The following FAAH2 variants were observed in gnomAD, a reference collection of about 807,000 sequenced individuals.
The protein encoded by FAAH2 is fatty-acid amide hydrolase 2.
In FAAH2, 60 loss-of-function variants were observed where a neutral mutation model predicts 36.9. That is an observed-to-expected ratio of 1.63 (90% CI 1.32 to 2.02). FAAH2 has a LOEUF of 2.02. Among genes scored for constraint, FAAH2 ranks in the 30% most tolerant of loss-of-function variants. The pLI is 0.00. For synonymous variants in FAAH2, 214 were observed against 143.8 expected, an observed-to-expected ratio of 1.49 and a Z score of -3.49; for missense variants, 689 against 397.5, an observed-to-expected ratio of 1.73 and a Z score of -6.23.
chrX:57,178,532 G>A, the FAAH2 span, among the ~76,000 whole-genome samples: 650 of 111,205 alleles, frequency 5.8e-3, 3 homozygotes, highest in Non-Finnish European at 9.2e-3. Flanking sequence ...CCTGTGCTTT[G>A]TGTTATACTA....
the FAAH2 span, among the ~76,000 whole-genome samples, chrX:57,216,582 G>GTATATA: frequency 1.7e-4 from 2 of 11,806 alleles, no homozygotes; most frequent in Admixed American, 7.7e-4. Flanking sequence ...GTATATATAT[G>GTATATA]TATATGTATA....
intron 10 of FAAH2, among the ~76,000 whole-genome samples, chrX:57,480,554 G>A (rs781742443): frequency 4.7e-4 from 52 of 111,815 alleles, no homozygotes; most frequent in Non-Finnish European, 8.3e-4. Context: ...TAAGAAAGTT[G>A]AATGTTTGCC....
At chrX:57,439,829 C>G (rs571725291) in intron 8 of FAAH2, among the ~76,000 whole-genome samples, 20 of 111,576 alleles carry the variant, frequency 1.8e-4, no homozygotes, top group Admixed American at 8.6e-4. Flanking sequence ...TGGCTAGCCA[C>G]TTTTCCCAGC....
chrX:57,160,138 G>A, the FAAH2 span, among the ~76,000 whole-genome samples: 6 of 111,622 alleles, frequency 5.4e-5, no homozygotes, highest in East Asian at 5.6e-4. Context: ...GCTGGATTAC[G>A]TTTATTGATT....
chrX:57,295,958 C>T (rs1379060461), intron 2 of FAAH2, among the ~76,000 whole-genome samples: 1 of 112,479 alleles, frequency 8.9e-6, no homozygotes, highest in Non-Finnish European at 1.9e-5. Flanking sequence ...GGCCAGGAAG[C>T]TCAAACTGGG....
At chrX:57,322,294 T>A (rs1179621790) in intron 3 of FAAH2, among the ~76,000 whole-genome samples, 1 of 112,017 alleles carries the variant, frequency 8.9e-6, no homozygotes, top group African/African-American at 3.2e-5. Flanking sequence ...CCGGCCTGCA[T>A]TTTTTGTTTT....
At chrX:57,318,869 T>A (rs112249708) in intron 3 of FAAH2, among the ~76,000 whole-genome samples, 65 of 111,822 alleles carry the variant, frequency 5.8e-4, no homozygotes, top group African/African-American at 1.9e-3. Flanking sequence ...ATTCATCATA[T>A]GCAAATCAAT....
At chrX:57,417,504 G>T (rs2055875694) in intron 7 of FAAH2, among the ~76,000 whole-genome samples, 1 of 112,162 alleles carries the variant, frequency 8.9e-6, no homozygotes, top group Non-Finnish European at 1.9e-5. Flanking sequence ...CAGGTCTGCT[G>T]GCATTTGCTG....
intron 7 of FAAH2, among the ~76,000 whole-genome samples, chrX:57,411,955 C>G (rs1316388118): frequency 1.8e-5 from 2 of 111,838 alleles, no homozygotes; most frequent in Non-Finnish European, 3.8e-5. Flanking sequence ...GAGTATTACT[C>G]TTTTAAAATT....
At chrX:57,487,449 C>T (rs996801021) in intron 10 of FAAH2, among the ~76,000 whole-genome samples, 4 of 111,786 alleles carry the variant, frequency 3.6e-5, no homozygotes, top group African/African-American at 9.8e-5. Context: ...GATAACCCAA[C>T]TTAAAATGCA....
chrX:57,482,570 C>T (rs886840063), intron 10 of FAAH2, among the ~76,000 whole-genome samples: 1 of 110,124 alleles, frequency 9.1e-6, no homozygotes, highest in Non-Finnish European at 1.9e-5. Context: ...TGGGTTGGAC[C>T]CACTGCCTAA....
At chrX:57,176,880 T>C in the FAAH2 span, among the ~76,000 whole-genome samples, 115 of 111,349 alleles carry the variant, frequency 1.0e-3, no homozygotes, top group African/African-American at 3.7e-3. Context: ...CAGAGAATGT[T>C]TGTGTGATGG....
At chrX:57,179,146 C>T in the FAAH2 span, among the ~76,000 whole-genome samples, 1 of 111,600 alleles carries the variant, frequency 9.0e-6, no homozygotes, top group Non-Finnish European at 1.9e-5. Context: ...AAAGGAAAGA[C>T]CATTACCTAC....
intron 7 of FAAH2, among the ~76,000 whole-genome samples, chrX:57,409,158 T>C (rs1257065665): frequency 9.0e-6 from 1 of 111,667 alleles, no homozygotes; most frequent in African/African-American, 3.2e-5. Context: ...ATTATAATAT[T>C]ATGCGACCAC....
chrX:57,207,120 T>A, the FAAH2 span, among the ~76,000 whole-genome samples: 1 of 110,886 alleles, frequency 9.0e-6, no homozygotes, highest in Non-Finnish European at 1.9e-5. Flanking sequence ...CAAATTTTTT[T>A]CTAGTCCCAT....
intron 5 of FAAH2, among the ~76,000 whole-genome samples, chrX:57,365,542 G>T (rs899608400): frequency 8.9e-6 from 1 of 111,748 alleles, no homozygotes; most frequent in African/African-American, 3.3e-5. Flanking sequence ...CTTTTGGCAT[G>T]GTTGTCTTGT....
chrX:57,447,754 G>A (rs781619522), intron 9 of FAAH2, among the ~76,000 whole-genome samples: 1 of 110,931 alleles, frequency 9.0e-6, no homozygotes, highest in East Asian at 2.9e-4. Context: ...CACACAGCAA[G>A]AGGGTCCTGG....
upstream of FAAH2, among the ~76,000 whole-genome samples, chrX:57,286,412 C>T (rs1469176945): frequency 2.7e-5 from 3 of 111,815 alleles, no homozygotes; most frequent in Non-Finnish European, 5.6e-5. Context: ...AATGTTTTTA[C>T]TTATTATCTA....
the FAAH2 span, among the ~76,000 whole-genome samples, chrX:57,215,590 T>C: frequency 1.8e-5 from 2 of 110,846 alleles, no homozygotes; most frequent in African/African-American, 6.5e-5. Context: ...GGTAGACTGC[T>C]TAAAGAAAAT....
Sources: allele counts gnomAD v4.1 joint callset (sites outside exome capture counted in the v4.1 genomes callset), GRCh38; gene constraint gnomAD v4.1.1; transcripts MANE v1.5; gene names NCBI Gene and HGNC (gene_info 2026-07-23, HGNC 2026-07-21).